OCLN: variants seen among roughly 807,000 people sequenced by gnomAD.
OCLN encodes occludin.
Under a neutral mutation model 47.9 loss-of-function variants are expected in OCLN, and 21 were observed. The observed-to-expected ratio is 0.44, with a 90% CI of 0.31 to 0.63. OCLN has a LOEUF of 0.63. OCLN is among the 30% of genes least tolerant of loss of function. The pLI, the probability that OCLN is intolerant of heterozygous loss-of-function variation, is 0.08. For synonymous variants in OCLN, 117 were observed against 198.4 expected (o/e 0.59, Z 3.45); for missense variants, 360 against 571.0 (o/e 0.63, Z 3.77).
intron 4 of OCLN, among the ~76,000 whole-genome samples, chr5:69,517,504 G>C (rs945556527): frequency 1.3e-5 from 2 of 151,732 alleles, no homozygotes; most frequent in African/African-American, 4.8e-5. Flanking sequence ...GGAGAGATGG[G>C]GTTTCACCAC....
At chr5:69,508,136 A>C (rs1265467936) in intron 2 of OCLN, among the ~76,000 whole-genome samples, 2 of 151,874 alleles carry the variant, frequency 1.3e-5, no homozygotes. Context: ...CCTGGGTTCA[A>C]GGGATTCTTG....
At position 69,509,106 on chromosome 5, in the gene OCLN, A is replaced by C. The variant is rs768058632; in HGVS notation, c.51-35A>C. 8 of 1,582,772 alleles carry C rather than the reference A, an allele frequency of 5.1e-6. No homozygotes were observed. In the East Asian group the frequency reaches 1.6e-4, roughly 31 times the overall value. On this transcript the variant is annotated intron_variant, in intron 2 of 8. Transcript: ENST00000396442. ...TGTTCTTTCTGCTTACTACCAAAAA[A>C]TGCTAACTTGAAATTATTTTCATGT...
chr5:69,514,541 T>A (rs369107242), intron 4 of OCLN, among the ~76,000 whole-genome samples: 74 of 152,240 alleles, frequency 4.9e-4, no homozygotes, highest in Non-Finnish European at 6.3e-4. Flanking sequence ...TTTTTTTTTT[T>A]TTATTGATCA....
chr5:69,522,602 C>T (rs1391099560), intron 4 of OCLN, among the ~76,000 whole-genome samples: 1 of 152,182 alleles, frequency 6.6e-6, no homozygotes, highest in African/African-American at 2.4e-5. Context: ...AGGATATACA[C>T]TGGACCACCC....
intron 4 of OCLN, among the ~76,000 whole-genome samples, chr5:69,521,305 T>C (rs750396006): frequency 6.6e-6 from 1 of 152,240 alleles, no homozygotes; most frequent in Non-Finnish European, 1.5e-5. Context: ...TATTTCATAG[T>C]ATGAGTATAC....
At chr5:69,529,591 T>G (rs1175332469) in intron 4 of OCLN, among the ~76,000 whole-genome samples, 1 of 152,114 alleles carries the variant, frequency 6.6e-6, no homozygotes. Flanking sequence ...ATTTCAAGAG[T>G]AAGTCTGAGT....
chr5:69,509,347 C>A lies in OCLN; in HGVS notation c.257C>A (p.Thr86Lys), dbSNP rs757935966. Residue 86 changes from threonine (T) to lysine (K), a missense_variant, in exon 3 of 9, where the codon ACG (threonine) becomes AAG (lysine). Physicochemically the swap from Thr to Lys is moderately conservative, Grantham distance 78 (BLOSUM62 -1). Coordinates refer to ENST00000396442, the MANE Select transcript of OCLN (RefSeq NM_001205254.2). ...GCCATCTTTGCCTGTGTGGCCTCCACGCTTGCCTGGGACAGAGGCTATGGA... is the reference window on the plus strand; with the variant it reads ...GCCATCTTTGCCTGTGTGGCCTCCAAGCTTGCCTGGGACAGAGGCTATGGA... ...CIAIFACVAS[T>K]LAWDRGYGTS... 8.1e-6 allele frequency: 13 copies of A among 1,614,048 alleles called. No individual in the cohort carries two copies. In the East Asian group the frequency reaches 2.9e-4, roughly 36 times the overall value.
chr5:69,514,092 C>T lies in OCLN; in HGVS notation c.874C>T (p.Pro292Ser). 6.2e-7 allele frequency: 1 copy of T among 1,614,060 alleles called. No individual in the cohort carries two copies. The highest frequency in any genetic ancestry group is 1.1e-5 in the South Asian group (1 of 91,082). Residue 292 changes from proline to serine, a missense_variant, in exon 4 of 9, where the codon CCC becomes TCC. Coordinates refer to ENST00000396442, the MANE Select transcript of OCLN (RefSeq NM_001205254.2). The part of the protein sequence containing the change: ...DKEHIYDEQP[P>S]NVEEWVKNVS... ...GGAACACATTTATGATGAGCAGCCC[C>T]CCAATGTCGAGGAGTGGGTAAGTGT...
chr5:69,531,677 G>A (rs965212196), intron 4 of OCLN, among the ~76,000 whole-genome samples: 9 of 152,276 alleles, frequency 5.9e-5, no homozygotes, highest in East Asian at 3.9e-4. Flanking sequence ...CACTGGTTTC[G>A]CAGTTGCTGC....
At chr5:69,549,340 C>CAAAAAA (rs1172698181) in intron 7 of OCLN, among the ~76,000 whole-genome samples, 22 of 51,528 alleles carry the variant, frequency 4.3e-4, no homozygotes, top group Admixed American at 6.2e-4. Flanking sequence ...GACTCCATCT[C>CAAAAAA]AAAAAAAAAA....
At chr5:69,527,312 A>G (rs1403414790) in intron 4 of OCLN, among the ~76,000 whole-genome samples, 4 of 151,500 alleles carry the variant, frequency 2.6e-5, no homozygotes, top group Admixed American at 1.3e-4. Flanking sequence ...AACACAAGGC[A>G]CTCACGTGCA....
chr5:69,495,090 C>T (rs1419795345), intron 1 of OCLN, among the ~76,000 whole-genome samples: 2 of 152,206 alleles, frequency 1.3e-5, no homozygotes, highest in African/African-American at 2.4e-5. Context: ...CTTTTAACCA[C>T]ATAAATGATC....
chr5:69,497,305 C>T (rs189132438), intron 1 of OCLN, among the ~76,000 whole-genome samples: 20 of 151,334 alleles, frequency 1.3e-4, no homozygotes, highest in African/African-American at 2.2e-4. Flanking sequence ...GCTGCTAAAG[C>T]GATTCTTCTG....
At chr5:69,512,017 C>CT (rs1768801326) in intron 3 of OCLN, among the ~76,000 whole-genome samples, 1 of 105,512 alleles carries the variant, frequency 9.5e-6, no homozygotes, top group East Asian at 2.5e-4. Context: ...GAGCAAAACT[C>CT]TGTCTCAAAA....
intron 5 of OCLN, 198 bp from the exon 6 acceptor site, chr5:69,544,702 TTGTG>T: frequency 2.8e-6 from 1 of 359,392 alleles, no homozygotes; most frequent in Admixed American, 5.9e-5. Context: ...AACCTACTAC[TTGTG>T]TGTATTAGAG....
intron 5 of OCLN, among the ~76,000 whole-genome samples, chr5:69,536,303 TTTTC>T (rs1469419584): frequency 1.4e-5 from 2 of 146,832 alleles, no homozygotes; most frequent in East Asian, 2.0e-4. Flanking sequence ...TACTAAACAT[TTTTC>T]TTTCTTCTAT....
intron 1 of OCLN, among the ~76,000 whole-genome samples, chr5:69,496,444 C>G (rs757921255): frequency 2.2e-4 from 34 of 151,720 alleles, no homozygotes; most frequent in Non-Finnish European, 4.7e-4. Context: ...TGCATGTGCT[C>G]TAAAAGGAAC....
chr5:69,509,232 C>T lies in OCLN; in HGVS notation c.142C>T (p.Pro48Ser), dbSNP rs747765035. The stretch of plus-strand genomic sequence containing the variant: ...CTCTCAGCCAGCCTACTCTTTTTAC[C>T]CAGAAGATGAAATTCTTCACTTCTA... ...MLSQPAYSFY[P>S]EDEILHFYKW... Residue 48 changes from proline to serine, a missense_variant, in exon 3 of 9, where the codon CCA becomes TCA. Physicochemically the swap from Pro to Ser is moderately conservative, Grantham distance 74. Around this residue, in one of 3 missense-constraint regions of OCLN, gnomAD observed 314 missense variants for 368.1 expected, o/e 0.85. Coordinates refer to ENST00000396442, the MANE Select transcript of OCLN (RefSeq NM_001205254.2). 1 of 1,614,098 alleles carries T rather than the reference C, an allele frequency of 6.2e-7. No homozygotes were observed. The highest frequency in any genetic ancestry group is 8.5e-7 in the Non-Finnish European group (1 of 1,179,950).
Position 69,513,949 on chromosome 5 carries a change from C to A in OCLN, c.731C>A (p.Ala244Asp). The change falls in exon 4 of 9, where the codon GCC becomes GAC. Residue 244 changes from alanine to aspartate, a missense_variant and splice_region_variant. Transcript: ENST00000396442. ...CCAATATTTTCCACTCCTTTTTAGGCCATTGCCATTGTACTGGGGTTCATG... is the reference window on the plus strand; with the variant it reads ...CCAATATTTTCCACTCCTTTTTAGGACATTGCCATTGTACTGGGGTTCATG... ...YHYCVVDPQE[A>D]IAIVLGFMII... 1 of 1,612,296 alleles carries A rather than the reference C, an allele frequency of 6.2e-7. No homozygotes were observed. Among genetic ancestry groups the A allele is most frequent in the Non-Finnish European group, 8.5e-7 (1 of 1,178,392 alleles).
Sources: gnomAD v4.1 joint callset for allele counts (sites outside exome capture counted in the v4.1 genomes callset) on GRCh38, gnomAD v4.1.1 for gene constraint, gnomAD v4.1.1 regional missense constraint, MANE v1.5 for transcripts, NCBI Gene and HGNC (gene_info 2026-07-23, HGNC 2026-07-21) for gene names.